Variants in MID1 observed in about 807,000 individuals in gnomAD.
The protein encoded by MID1 is E3 ubiquitin-protein ligase Midline-1.
MID1 carries 7 observed loss-of-function variants against 40.4 expected under a neutral mutation model. That is an observed-to-expected ratio of 0.17 (90% CI 0.10 to 0.33). The LOEUF (loss-of-function observed/expected upper bound fraction) is 0.33, where lower values mean the gene tolerates loss of function less well. MID1 is among the 10% of genes least tolerant of loss of function. The pLI, the probability that MID1 is intolerant of heterozygous loss-of-function variation, is 1.00. For missense variants in MID1, 367 were observed against 558.5 expected (o/e 0.66, Z 3.46); for synonymous variants, 229 against 221.2 (o/e 1.04, Z -0.31).
At chrX:10,617,099 T>C (rs901789513) in intron 1 of MID1, among the ~76,000 whole-genome samples, 1 of 112,335 alleles carries the variant, frequency 8.9e-6, no homozygotes, top group Admixed American at 9.4e-5. Flanking sequence ...AGAGAGATTC[T>C]GTTTTAATCC....
At position 10,454,727 on chromosome X, in the gene MID1, C is replaced by T. The variant is rs948177217; in HGVS notation, c.1655+143G>A. 5.6e-6 allele frequency: 3 copies of T among 534,492 alleles called. No homozygotes were observed. The South Asian group carries it at 7.7e-5, about 14-fold the overall frequency. 44.0% of individuals were successfully genotyped at this position (534,492 alleles called of 1,213,427 possible). ...GCTGAGTTTGGGGGTGTTTGTTATG[C>T]AGTATTATCCTAGCAAGAGCTGACT... is the stretch of plus-strand genomic sequence containing the variant. On this transcript the variant is annotated intron_variant, in intron 9 of 9. Coordinates refer to ENST00000317552, the MANE Select transcript of MID1 (RefSeq NM_000381.4).
chrX:10,578,086 T>C (rs1339046135), intron 1 of MID1, among the ~76,000 whole-genome samples: 3 of 112,751 alleles, frequency 2.7e-5, no homozygotes, highest in African/African-American at 9.7e-5. Flanking sequence ...TTTATTGCCA[T>C]TGCAACACTT....
At chrX:10,485,373 T>C (rs2147304022) in intron 4 of MID1, among the ~76,000 whole-genome samples, 1 of 112,536 alleles carries the variant, frequency 8.9e-6, no homozygotes, top group Non-Finnish European at 1.9e-5. Context: ...CTTTTTAATG[T>C]ATTATTTTTA....
chrX:10,528,280 A>G (rs1932872201), intron 2 of MID1, among the ~76,000 whole-genome samples: 1 of 111,423 alleles, frequency 9.0e-6, no homozygotes, highest in Non-Finnish European at 1.9e-5. Flanking sequence ...CCTGCAATCA[A>G]TATTTGAAAA....
rs112949318 is a variant in MID1, at chrX:10,664,753, G to T, written c.-186-44334C>A. ...CTTAACTTGAGCTGGTAAAGCCTCC[G>T]TGATGGCTCCTGGTAGTTACTAAAC... On this transcript the variant is annotated intron_variant, in intron 1 of 10. Coordinates refer to the MID1 transcript ENST00000380785. 3.6e-3 allele frequency among the ~76,000 whole-genome samples: 402 copies of T among 111,690 alleles called. 4 individuals are homozygous for T. The highest frequency in any genetic ancestry group is 0.012 in the African/African-American group (384 of 30,723).
intron 1 of MID1, among the ~76,000 whole-genome samples, chrX:10,726,164 T>C (rs188745936): frequency 6.6e-4 from 74 of 112,330 alleles, no homozygotes; most frequent in African/African-American, 2.1e-3. Flanking sequence ...GCCAGATTTC[T>C]CACTGGATAT....
At chrX:10,777,601 C>T (rs1386269027) in intron 1 of MID1, among the ~76,000 whole-genome samples, 2 of 106,805 alleles carry the variant, frequency 1.9e-5, no homozygotes, top group Non-Finnish European at 3.8e-5. Context: ...AGTGCGGTGG[C>T]GCGATCTTGG....
At chrX:10,650,040 A>G (rs919651638) in intron 1 of MID1, among the ~76,000 whole-genome samples, 16 of 111,615 alleles carry the variant, frequency 1.4e-4, no homozygotes, top group Non-Finnish European at 2.8e-4. Flanking sequence ...TATGAAAACA[A>G]AAGAGTTCAA....
intron 1 of MID1, among the ~76,000 whole-genome samples, chrX:10,810,412 TTA>T (rs1224406548): frequency 8.9e-6 from 1 of 111,910 alleles, no homozygotes; most frequent in Admixed American, 9.5e-5. Context: ...ATTTATCCAT[TTA>T]TATGTCAATG....
chrX:10,465,214 T>TATATATATACACACACAC (rs1477864693), intron 7 of MID1, among the ~76,000 whole-genome samples: 10 of 39,898 alleles, frequency 2.5e-4, no homozygotes, highest in Non-Finnish European at 2.5e-4. Flanking sequence ...TATATATATA[T>TATATATATACACACACAC]ACACACACAC....
At chrX:10,796,951 C>G (rs183530094) in intron 1 of MID1, among the ~76,000 whole-genome samples, 1 of 111,367 alleles carries the variant, frequency 9.0e-6, no homozygotes, top group East Asian at 2.8e-4. Flanking sequence ...AATAATTGAT[C>G]ATAAATAATG....
chrX:10,773,730 G>A (rs1003835425), intron 1 of MID1, among the ~76,000 whole-genome samples: 1 of 111,853 alleles, frequency 8.9e-6, no homozygotes, highest in Non-Finnish European at 1.9e-5. Context: ...TCAAGGATGC[G>A]GCTTCTACCT....
intron 1 of MID1, among the ~76,000 whole-genome samples, chrX:10,798,555 T>C (rs990253717): frequency 4.5e-5 from 5 of 111,998 alleles, no homozygotes; most frequent in African/African-American, 1.3e-4. Flanking sequence ...TATTTTTCCA[T>C]GAATTTCTAC....
rs774888991 is a variant in MID1, at chrX:10,528,416, C to T, written c.661-5229G>A. ...TCAAACACTTGGGAGCTACATCTGG[C>T]TGGTGGCTACCTCACTGGTCTAGAA... On this transcript the variant is annotated intron_variant, in intron 2 of 9. Transcript: ENST00000317552. 2.2e-4 allele frequency among the ~76,000 whole-genome samples: 25 copies of T among 111,970 alleles called. No homozygotes were observed. In the South Asian group the frequency reaches 9.1e-3, roughly 41 times the overall value.
chrX:10,607,129 A>C (rs909335136), intron 1 of MID1, among the ~76,000 whole-genome samples: 1 of 112,343 alleles, frequency 8.9e-6, no homozygotes, highest in East Asian at 2.8e-4. Flanking sequence ...CATAACTTGC[A>C]GAAACAGATT....
At chrX:10,454,542 C>G (rs1928536779) in intron 9 of MID1, among the ~76,000 whole-genome samples, 1 of 112,028 alleles carries the variant, frequency 8.9e-6, no homozygotes, top group African/African-American at 3.2e-5. Context: ...AGGTAGCAGG[C>G]CAGGTTTGGC....
chrX:10,498,234 G>T (rs1931361777), intron 3 of MID1, among the ~76,000 whole-genome samples: 1 of 111,933 alleles, frequency 8.9e-6, no homozygotes, highest in African/African-American at 3.3e-5. Context: ...CTCCTGAGTA[G>T]CTGGGACTAC....
At chrX:10,807,439 T>G (rs1030244214) in intron 1 of MID1, among the ~76,000 whole-genome samples, 2 of 111,418 alleles carry the variant, frequency 1.8e-5, no homozygotes, top group East Asian at 2.8e-4. Context: ...AGGCTGAAAT[T>G]AAAATATTGG....
intron 9 of MID1, among the ~76,000 whole-genome samples, 185 bp downstream of exon 9, chrX:10,454,685 G>GGTT (rs952169542): frequency 2.6e-4 from 29 of 111,873 alleles, no homozygotes; most frequent in African/African-American, 9.1e-4. Context: ...AGTAATATAT[G>GGTT]GTTGTTGTTT....
Sources: gnomAD v4.1 joint callset for allele counts (sites outside exome capture counted in the v4.1 genomes callset) on GRCh38, gnomAD v4.1.1 for gene constraint, MANE v1.5 for transcripts, NCBI Gene and HGNC (gene_info 2026-07-23, HGNC 2026-07-21) for gene names.